Variants in CNGB3 observed in about 807,000 individuals in gnomAD.
CNGB3 encodes the protein cyclic nucleotide-gated channel beta-3.
Under a neutral mutation model 92.8 loss-of-function variants are expected in CNGB3, and 86 were observed. The ratio of observed to expected loss-of-function variants is 0.93; its 90% CI spans 0.78 to 1.11. The LOEUF is 1.11. CNGB3 is among the 50% of genes least tolerant of loss of function. The pLI is 0.00. For synonymous variants in CNGB3, 333 were observed against 332.7 expected, an observed-to-expected ratio of 1.00 and a Z score of -0.01; for missense variants, 1,026 against 956.8, an observed-to-expected ratio of 1.07 and a Z score of -0.95.
At chr8:86,710,630 C>T (rs1313551843) in intron 3 of CNGB3, among the ~76,000 whole-genome samples, 7 of 152,096 alleles carry the variant, frequency 4.6e-5, no homozygotes, top group African/African-American at 1.4e-4. Context: ...TAGACTACTA[C>T]GAATGAATTA....
rs922628636 is a variant in CNGB3, at chr8:86,726,551, G to T, written c.318C>A (p.Pro106=). The change falls in exon 3 of 18, where the codon CCC becomes CCA. Residue 106 remains proline, a synonymous_variant. Coordinates refer to ENST00000320005, the MANE Select transcript of CNGB3 (RefSeq NM_019098.5). ...CTCACCTGTTTGGACCTTCTTTCCCGGGGTCCATTTCCTTCTGCTCTGGCA... is the reference window on the plus strand; with the variant it reads ...CTCACCTGTTTGGACCTTCTTTCCCTGGGTCCATTTCCTTCTGCTCTGGCA... ...GTVPEQKEMD[P]GKEGPNSPQN... 6.2e-7 allele frequency: 1 copy of T among 1,613,694 alleles called. No homozygotes were observed. Among genetic ancestry groups the T allele is most frequent in the Non-Finnish European group, 8.5e-7 (1 of 1,179,740 alleles).
intron 3 of CNGB3, among the ~76,000 whole-genome samples, chr8:86,706,413 T>C (rs1586028168): frequency 6.6e-6 from 1 of 152,208 alleles, no homozygotes; most frequent in African/African-American, 2.4e-5. Flanking sequence ...GCTTCTAATT[T>C]TAAAAGCATG....
intron 3 of CNGB3, among the ~76,000 whole-genome samples, chr8:86,693,063 C>T (rs550462887): frequency 6.6e-6 from 1 of 152,228 alleles, no homozygotes; most frequent in South Asian, 2.1e-4. Context: ...GACCCCAATC[C>T]CTTCTGGCTT....
chr8:86,670,756 C>T (rs931299300), intron 4 of CNGB3, among the ~76,000 whole-genome samples, 188 bp downstream of exon 4: 1 of 152,108 alleles, frequency 6.6e-6, no homozygotes, highest in Non-Finnish European at 1.5e-5. Flanking sequence ...TCTTATTAAC[C>T]CATCTGTACT....
intron 3 of CNGB3, among the ~76,000 whole-genome samples, chr8:86,701,544 G>C (rs1824556545): frequency 6.6e-6 from 1 of 152,050 alleles, no homozygotes; most frequent in Non-Finnish European, 1.5e-5. Context: ...TTTGAAGACA[G>C]GCTCTCTGTG....
chr8:86,659,140 G>A (rs557541609), intron 6 of CNGB3: 6 of 708,914 alleles, frequency 8.5e-6, no homozygotes, highest in South Asian at 3.2e-5. Flanking sequence ...TCCTGTACCC[G>A]AGTCATGCTG....
At chr8:86,716,540 G>A (rs1179009187) in intron 3 of CNGB3, among the ~76,000 whole-genome samples, 1 of 152,194 alleles carries the variant, frequency 6.6e-6, no homozygotes, top group Admixed American at 6.5e-5. Context: ...AACACTTCAA[G>A]CTAGAAGGGA....
At chr8:86,626,697 A>T (rs1822855761) in intron 12 of CNGB3, among the ~76,000 whole-genome samples, 1 of 152,324 alleles carries the variant, frequency 6.6e-6, no homozygotes, top group East Asian at 1.9e-4. Context: ...AAATGTGCTA[A>T]GAGAGTAAAT....
chr8:86,640,147 G>A (rs1436515061), intron 10 of CNGB3, among the ~76,000 whole-genome samples: 1 of 151,948 alleles, frequency 6.6e-6, no homozygotes, highest in Non-Finnish European at 1.5e-5. Flanking sequence ...TATGTTTGGT[G>A]TCTCACACTT....
intron 3 of CNGB3, among the ~76,000 whole-genome samples, chr8:86,678,809 C>T (rs1824025312): frequency 6.6e-6 from 1 of 152,166 alleles, no homozygotes. Context: ...TATGTACACA[C>T]ACCTGCCTAT....
intron 6 of CNGB3, chr8:86,658,919 C>A: frequency 1.0e-6 from 1 of 973,264 alleles, no homozygotes; most frequent in Non-Finnish European, 1.6e-6. Context: ...CTAGCTCCAG[C>A]AGCCTCTCCT....
chr8:86,652,749 A>G (rs1563741541), intron 7 of CNGB3, among the ~76,000 whole-genome samples: 1 of 152,042 alleles, frequency 6.6e-6, no homozygotes, highest in Non-Finnish European at 1.5e-5. Context: ...GTCATTTCCT[A>G]TAATAACAAT....
At chr8:86,688,077 G>A (rs1236522640) in intron 3 of CNGB3, among the ~76,000 whole-genome samples, 2 of 151,986 alleles carry the variant, frequency 1.3e-5, no homozygotes, top group Non-Finnish European at 2.9e-5. Flanking sequence ...TTTAAGAAAT[G>A]GAGAGTACTA....
chr8:86,733,561 G>A (rs549851715), intron 2 of CNGB3, among the ~76,000 whole-genome samples: 1 of 152,238 alleles, frequency 6.6e-6, no homozygotes, highest in East Asian at 1.9e-4. Context: ...TTTGTAGGAG[G>A]GTCTCTCTTC....
At chr8:86,589,216 G>T (rs1362538705) in intron 15 of CNGB3, among the ~76,000 whole-genome samples, 7 of 150,088 alleles carry the variant, frequency 4.7e-5, no homozygotes, top group Non-Finnish European at 1.0e-4. Context: ...GTGTCTATTT[G>T]ATTCTTCTCT....
chr8:86,588,268 A>T (rs1237152783), intron 15 of CNGB3, among the ~76,000 whole-genome samples: 4 of 142,824 alleles, frequency 2.8e-5, no homozygotes, highest in South Asian at 2.2e-4. Context: ...TAGATATACA[A>T]TCATGTCATC....
At chr8:86,596,065 A>G (rs1037094891) in intron 15 of CNGB3, among the ~76,000 whole-genome samples, 4 of 152,360 alleles carry the variant, frequency 2.6e-5, no homozygotes, top group Admixed American at 2.6e-4. Flanking sequence ...AGGATGGTGA[A>G]CAATGAAAGA....
Position 86,659,296 on chromosome 8 carries a change from G to C in CNGB3, c.853-5234C>G. On this transcript the variant is annotated intron_variant, in intron 6 of 17. Coordinates refer to ENST00000320005, the MANE Select transcript of CNGB3 (RefSeq NM_019098.5). ...TTCAGCAACTCCATAACCTGCCCCAGGTGTGCTTCCAGCTGTGCCTGCTCC... is the reference window on the plus strand; with the variant it reads ...TTCAGCAACTCCATAACCTGCCCCACGTGTGCTTCCAGCTGTGCCTGCTCC... 3 of 1,045,176 alleles carry C rather than the reference G, an allele frequency of 2.9e-6. No individual in the cohort carries two copies. The South Asian group carries it at 3.8e-5, about 13-fold the overall frequency. The allele number at this position is 1,045,176 out of a possible 1,614,324, so 64.7% of individuals were successfully genotyped here.
intron 2 of CNGB3, among the ~76,000 whole-genome samples, chr8:86,738,299 A>G (rs1429343488): frequency 1.3e-5 from 2 of 152,182 alleles, no homozygotes; most frequent in Non-Finnish European, 2.9e-5. Flanking sequence ...AAGTTCTACA[A>G]AGTCAGGTGG....
Sources: gnomAD v4.1 joint callset for allele counts (sites outside exome capture counted in the v4.1 genomes callset) on GRCh38, gnomAD v4.1.1 for gene constraint, MANE v1.5 for transcripts, NCBI Gene and HGNC (gene_info 2026-07-23, HGNC 2026-07-21) for gene names.